The following RHBDD1 variants were observed in gnomAD, a reference collection of about 807,000 sequenced individuals.
The protein encoded by RHBDD1 is rhomboid-related protein 4.
In RHBDD1, 38 loss-of-function variants were observed where a neutral mutation model predicts 36.3. The observed-to-expected ratio is 1.05, with a 90% CI of 0.81 to 1.37. The LOEUF (loss-of-function observed/expected upper bound fraction) is 1.37. Ranked by LOEUF, RHBDD1 falls within the 40% of genes most tolerant of loss-of-function variation. The probability of loss-of-function intolerance (pLI) is 0.00; values close to 1 mark genes in which losing one functional copy is unlikely to be tolerated. For synonymous variants in RHBDD1, 151 were observed against 136.5 expected, an observed-to-expected ratio of 1.11 and a Z score of -0.74; for missense variants, 393 against 377.6, an observed-to-expected ratio of 1.04 and a Z score of -0.34.
In RHBDD1 at chr2:226,914,121, T is replaced by C. The variant is rs750237040; in HGVS notation, c.713-87T>C. On this transcript the variant is annotated intron_variant, in intron 7 of 8. Transcript: ENST00000392062. Reference sequence around the variant, plus strand: ...TTATACCTAAAATAATGTTATGCCTTACTCGCTTGTCTTTGCTTATACAAA... The same window carrying C: ...TTATACCTAAAATAATGTTATGCCTCACTCGCTTGTCTTTGCTTATACAAA... 24 of 1,166,788 alleles carry C rather than the reference T, an allele frequency of 2.1e-5. No homozygotes were observed. The African/African-American group carries it at 2.3e-4, about 11-fold the overall frequency. 72.3% of individuals were successfully genotyped at this position (1,166,788 alleles called of 1,614,324 possible).
intron 5 of RHBDD1, among the ~76,000 whole-genome samples, chr2:226,898,255 C>A (rs542613358): frequency 6.6e-6 from 1 of 152,114 alleles, no homozygotes; most frequent in African/African-American, 2.4e-5. Flanking sequence ...TATTAGCAGG[C>A]GTAGGGACAT....
At chr2:226,927,682 G>A (rs1949758180) in intron 8 of RHBDD1, among the ~76,000 whole-genome samples, 1 of 151,954 alleles carries the variant, frequency 6.6e-6, no homozygotes, top group Non-Finnish European at 1.5e-5. Context: ...TAGGCGTGAG[G>A]TTGCAGTTTT....
chr2:226,959,875 T>C (rs1246511544), intron 8 of RHBDD1, among the ~76,000 whole-genome samples: 1 of 152,122 alleles, frequency 6.6e-6, no homozygotes, highest in Non-Finnish European at 1.5e-5. Flanking sequence ...CAGGCTGGAG[T>C]GCAGTGGCGC....
chr2:226,916,647 T>A (rs932293864), intron 8 of RHBDD1, among the ~76,000 whole-genome samples: 1 of 152,208 alleles, frequency 6.6e-6, no homozygotes, highest in Non-Finnish European at 1.5e-5. Flanking sequence ...TAAGAAAATG[T>A]GTATTCTAAA....
chr2:226,911,701 G>A (rs925902141), intron 7 of RHBDD1, among the ~76,000 whole-genome samples: 4 of 151,912 alleles, frequency 2.6e-5, no homozygotes, highest in African/African-American at 9.7e-5. Flanking sequence ...ATAGAGACCA[G>A]TTTAAGAATA....
At chr2:226,904,730 G>T (rs1438213672) in intron 5 of RHBDD1, among the ~76,000 whole-genome samples, 1 of 152,160 alleles carries the variant, frequency 6.6e-6, no homozygotes, top group Admixed American at 6.5e-5. Context: ...ATAGCTTGGA[G>T]ACAAAGAAAA....
intron 8 of RHBDD1, among the ~76,000 whole-genome samples, chr2:226,950,491 C>G (rs141308030): frequency 7.9e-5 from 12 of 152,284 alleles, no homozygotes; most frequent in Non-Finnish European, 1.8e-4. Flanking sequence ...TGAATAATGC[C>G]TCAATGAACA....
chr2:226,915,451 A>G (rs903501703), intron 8 of RHBDD1, among the ~76,000 whole-genome samples: 1 of 152,044 alleles, frequency 6.6e-6, no homozygotes, highest in Non-Finnish European at 1.5e-5. Context: ...TGGAAAGTGG[A>G]TTTAGTGTGT....
intron 8 of RHBDD1, among the ~76,000 whole-genome samples, chr2:226,935,715 G>C (rs183999757): frequency 6.6e-5 from 10 of 152,122 alleles, no homozygotes; most frequent in Non-Finnish European, 1.2e-4. Flanking sequence ...GGAGAACATA[G>C]CTAAAAAGAG....
chr2:226,929,437 C>T (rs1949871829), intron 8 of RHBDD1, among the ~76,000 whole-genome samples: 1 of 151,868 alleles, frequency 6.6e-6, no homozygotes, highest in Admixed American at 6.6e-5. Flanking sequence ...AAAGCATTTG[C>T]TAAAGTCCAG....
intron 2 of RHBDD1, among the ~76,000 whole-genome samples, chr2:226,838,418 C>G (rs1941237313): frequency 1.3e-5 from 2 of 152,200 alleles, no homozygotes; most frequent in African/African-American, 4.8e-5. Context: ...TTAGGTCAGA[C>G]AAGCCCTGCT....
intron 8 of RHBDD1, among the ~76,000 whole-genome samples, chr2:226,926,643 G>A (rs1302515722): frequency 2.0e-5 from 3 of 152,138 alleles, no homozygotes; most frequent in Admixed American, 1.3e-4. Context: ...GATTGCATCA[G>A]GTCAGGAGAT....
the RHBDD1 span, among the ~76,000 whole-genome samples, chr2:226,829,982 T>C: frequency 6.6e-6 from 1 of 152,176 alleles, no homozygotes; most frequent in Admixed American, 6.5e-5. Flanking sequence ...GTAGGTTTTT[T>C]TTTTTATAGA....
Position 226,864,979 on chromosome 2 carries a change from G to T in RHBDD1, c.286G>T (p.Glu96Ter). Residue 96 changes from glutamate to a stop codon, truncating the protein, a stop_gained, in exon 4 of 9, where the codon GAA (glutamate) becomes TAA (stop). Transcript: ENST00000392062. LOFTEE classifies it high-confidence loss of function. Reference protein sequence around the residue: ...ASMLWKGINLERRLGSRWFAY... With the variant: ...ASMLWKGINL ...CATGCTCTGGAAAGGAATAAATCTA[G>T]AAAGAAGACTGGGAAGTAGATGGTT... is the stretch of plus-strand genomic sequence containing the variant. The T allele has an allele frequency of 6.2e-7, 1 of 1,614,216 alleles. No individual in the cohort carries two copies. The highest frequency in any genetic ancestry group is 2.2e-5 in the East Asian group (1 of 44,888).
intron 8 of RHBDD1, among the ~76,000 whole-genome samples, chr2:226,949,999 T>G (rs753002205): frequency 2.3e-4 from 35 of 152,368 alleles, no homozygotes; most frequent in Non-Finnish European, 4.4e-4. Context: ...AATGCATATC[T>G]ATTGTGGAAT....
At position 226,995,660 on chromosome 2, in the gene RHBDD1, T is replaced by C. The variant is rs1032835075; in HGVS notation, c.*138T>C. On this transcript the variant is annotated 3_prime_UTR_variant, in exon 9 of 9. Coordinates refer to ENST00000392062, the MANE Select transcript of RHBDD1 (RefSeq NM_001167608.3). The stretch of plus-strand genomic sequence containing the variant: ...ATTGCTCCAGATCGCTCACATCACC[T>C]GGGACAGTCCCATGGCCCCTATGAG... The C allele has an allele frequency of 1.0e-5, 7 of 670,132 alleles. No homozygotes were observed. The African/African-American group carries it at 1.3e-4, about 12-fold the overall frequency. 41.5% of individuals were successfully genotyped at this position (670,132 alleles called of 1,614,324 possible). A position where few individuals can be genotyped will look rare whatever the true frequency, so the allele number is the denominator to read the frequency against.
rs574744995 is a variant in RHBDD1, at chr2:226,988,384, G to A, written c.857-7047G>A. 7.2e-5 allele frequency: 111 copies of A among 1,550,476 alleles called. 1 individual carries two copies. The Middle Eastern group carries it at 1.5e-3, about 21-fold the overall frequency. On this transcript the variant is annotated intron_variant, in intron 8 of 8. Coordinates refer to ENST00000392062, the MANE Select transcript of RHBDD1 (RefSeq NM_001167608.3). ...CAAGTCTCCTGGACCCCAAGATAAA[G>A]GTCAGAACAGACAAAGGACCCAGAT...
chr2:226,858,269 T>C (rs1165617581), intron 3 of RHBDD1, among the ~76,000 whole-genome samples: 1 of 152,220 alleles, frequency 6.6e-6, no homozygotes, highest in African/African-American at 2.4e-5. Flanking sequence ...TGATATAGCA[T>C]TAATATATCT....
At chr2:226,946,596 A>G (rs1951007655) in intron 8 of RHBDD1, among the ~76,000 whole-genome samples, 1 of 152,216 alleles carries the variant, frequency 6.6e-6, no homozygotes, top group Non-Finnish European at 1.5e-5. Flanking sequence ...CACTAGCCAG[A>G]CTAACAAAGA....
Sources: allele counts gnomAD v4.1 joint callset (sites outside exome capture counted in the v4.1 genomes callset), GRCh38; gene constraint gnomAD v4.1.1; transcripts MANE v1.5; gene names NCBI Gene and HGNC (gene_info 2026-07-23, HGNC 2026-07-21).